The following TLCD4 variants were observed in gnomAD, a reference collection of about 807,000 sequenced individuals.
TLCD4 encodes TLC domain-containing protein 4.
A neutral mutation model predicts 24.2 loss-of-function variants in TLCD4; 7 were observed. That is an observed-to-expected ratio of 0.29 (90% CI 0.16 to 0.54). The LOEUF is 0.54. Among genes scored for constraint, TLCD4 ranks in the 20% least tolerant of loss-of-function variants. The pLI, the probability that TLCD4 is intolerant of heterozygous loss-of-function variation, is 0.95. For missense variants in TLCD4, 259 were observed against 313.9 expected (o/e 0.82, Z 1.32); for synonymous variants, 103 against 106.4 (o/e 0.97, Z 0.20).
chr1:95,092,874 G>T, the TLCD4 span, among the ~76,000 whole-genome samples: 1 of 152,182 alleles, frequency 6.6e-6, no homozygotes, highest in African/African-American at 2.4e-5. Context: ...AAGTAGCTGG[G>T]ATTACAAGTG....
intron 6 of TLCD4, among the ~76,000 whole-genome samples, chr1:95,184,144 T>C (rs1412988993): frequency 6.6e-6 from 1 of 152,226 alleles, no homozygotes; most frequent in African/African-American, 2.4e-5. Flanking sequence ...CAAATCCTTA[T>C]TGGAGTTTTT....
At chr1:95,181,048 G>T (rs966541213) in intron 6 of TLCD4, among the ~76,000 whole-genome samples, 1 of 152,184 alleles carries the variant, frequency 6.6e-6, no homozygotes. Context: ...AGTGAGCCGA[G>T]ATCACGCTAC....
At chr1:95,142,519 G>A (rs572261597) in intron 1 of TLCD4, among the ~76,000 whole-genome samples, 1 of 152,270 alleles carries the variant, frequency 6.6e-6, no homozygotes, top group Non-Finnish European at 1.5e-5. Flanking sequence ...TATTAAAAAT[G>A]AAAGTACACT....
At chr1:95,180,722 T>A (rs966950004) in intron 6 of TLCD4, among the ~76,000 whole-genome samples, 3 of 152,204 alleles carry the variant, frequency 2.0e-5, no homozygotes, top group Non-Finnish European at 4.4e-5. Flanking sequence ...TGAGGACATA[T>A]TTTATGAATT....
upstream of TLCD4, among the ~76,000 whole-genome samples, chr1:95,113,189 T>C (rs985560576): frequency 2.6e-5 from 4 of 151,610 alleles, no homozygotes; most frequent in Admixed American, 1.3e-4. Context: ...ATTACAGGCG[T>C]GCGCCACTAA....
At chr1:95,141,629 A>C (rs1677199162) in intron 1 of TLCD4, among the ~76,000 whole-genome samples, 1 of 152,162 alleles carries the variant, frequency 6.6e-6, no homozygotes. Flanking sequence ...TTTATGTACA[A>C]AACTTTTATG....
intron 6 of TLCD4, among the ~76,000 whole-genome samples, chr1:95,176,046 G>A (rs1678412503): frequency 6.6e-6 from 1 of 151,990 alleles, no homozygotes; most frequent in African/African-American, 2.4e-5. Flanking sequence ...AAAATTCTGG[G>A]ATTACAGGTT....
At chr1:95,146,007 G>A (rs528564245) in intron 2 of TLCD4, among the ~76,000 whole-genome samples, 4 of 152,262 alleles carry the variant, frequency 2.6e-5, no homozygotes, top group South Asian at 2.1e-4. Context: ...AGAGTGCAAA[G>A]TAGGACAAGG....
upstream of TLCD4, among the ~76,000 whole-genome samples, chr1:95,112,979 G>C (rs1049890472): frequency 6.6e-6 from 1 of 151,674 alleles, no homozygotes; most frequent in African/African-American, 2.4e-5. Flanking sequence ...GCCTCCCAAA[G>C]TGTTGGAATT....
intron 1 of TLCD4, among the ~76,000 whole-genome samples, chr1:95,118,719 A>G (rs1676496874): frequency 6.6e-6 from 1 of 152,206 alleles, no homozygotes; most frequent in Non-Finnish European, 1.5e-5. Flanking sequence ...GATTAAGGTA[A>G]TAAGTTAGAG....
At chr1:95,110,759 G>A in the TLCD4 span, among the ~76,000 whole-genome samples, 4 of 147,128 alleles carry the variant, frequency 2.7e-5, no homozygotes, top group African/African-American at 1.0e-4. Context: ...GTGTGGTGGC[G>A]CATGCCTGTA....
At chr1:95,103,615 T>C in the TLCD4 span, among the ~76,000 whole-genome samples, 1 of 152,208 alleles carries the variant, frequency 6.6e-6, no homozygotes, top group Non-Finnish European at 1.5e-5. Flanking sequence ...ACTAAAATTA[T>C]TAAAACCACA....
intron 1 of TLCD4, among the ~76,000 whole-genome samples, chr1:95,119,755 A>G (rs557090765): frequency 1.3e-5 from 2 of 152,118 alleles, no homozygotes; most frequent in Non-Finnish European, 2.9e-5. Flanking sequence ...TGCATGTATT[A>G]GAGGAAAATG....
intron 2 of TLCD4, among the ~76,000 whole-genome samples, chr1:95,144,468 C>T (rs1402736918): frequency 6.6e-6 from 1 of 152,146 alleles, no homozygotes; most frequent in Non-Finnish European, 1.5e-5. Context: ...CAGTTAGACT[C>T]TACACATCAG....
intron 5 of TLCD4, among the ~76,000 whole-genome samples, chr1:95,160,641 G>A (rs1449928162): frequency 6.6e-6 from 1 of 152,106 alleles, no homozygotes; most frequent in Non-Finnish European, 1.5e-5. Flanking sequence ...TTGGCTGTGG[G>A]TTTGTCACAG....
rs947405409 is a variant in TLCD4, at chr1:95,196,724, T to G, written c.*4856T>G. ...CCTCTGGCTGAAAACTCGTTAAACATCTTTGGATATTTTTTCTTTATATCT... is the reference window on the plus strand; with the variant it reads ...CCTCTGGCTGAAAACTCGTTAAACAGCTTTGGATATTTTTTCTTTATATCT... On this transcript the variant is annotated 3_prime_UTR_variant, in exon 7 of 7. Transcript: ENST00000370203. 6.6e-6 allele frequency: 1 copy of G among 152,172 alleles called. No individual in the cohort carries two copies. The highest frequency in any genetic ancestry group is 2.4e-5 in the African/African-American group (1 of 41,438). 9.4% of individuals were successfully genotyped at this position (152,172 alleles called of 1,614,324 possible).
chr1:95,168,308 C>T (rs539733070), intron 5 of TLCD4, among the ~76,000 whole-genome samples: 184 of 152,208 alleles, frequency 1.2e-3, no homozygotes, highest in South Asian at 2.3e-3. Context: ...CAAGTGTGCT[C>T]ACTGTCTGCT....
chr1:95,148,090 A>G (rs1191653415), intron 2 of TLCD4, among the ~76,000 whole-genome samples: 3 of 152,208 alleles, frequency 2.0e-5, no homozygotes, highest in Non-Finnish European at 4.4e-5. Flanking sequence ...AAATGTTTTC[A>G]TAATAATGAT....
chr1:95,158,916 A>G (rs1393231934), intron 5 of TLCD4, among the ~76,000 whole-genome samples: 2 of 152,176 alleles, frequency 1.3e-5, no homozygotes, highest in Non-Finnish European at 2.9e-5. Context: ...ATTGACGGAC[A>G]TTTGGGTTGG....
Sources: allele counts gnomAD v4.1 joint callset (sites outside exome capture counted in the v4.1 genomes callset), GRCh38; gene constraint gnomAD v4.1.1; transcripts MANE v1.5; gene names NCBI Gene and HGNC (gene_info 2026-07-23, HGNC 2026-07-21).